Variants in PTCHD4 observed in about 807,000 individuals in gnomAD.
PTCHD4 encodes the protein patched domain-containing protein 4.
A neutral mutation model predicts 58.1 loss-of-function variants in PTCHD4; 33 were observed. The observed-to-expected ratio is 0.57, with a 90% confidence interval of 0.43 to 0.76. The LOEUF is 0.76. PTCHD4 is among the 30% of genes least tolerant of loss of function. PTCHD4 has a pLI of 0.00. For synonymous variants in PTCHD4, 478 were observed against 409.6 expected (o/e 1.17, Z -2.02); for missense variants, 1,058 against 1,027.1 (o/e 1.03, Z -0.41).
intron 4 of PTCHD4, among the ~76,000 whole-genome samples, chr6:47,916,999 GATTCATTCTCTA>G (rs928076085): frequency 1.3e-4 from 20 of 151,990 alleles, no homozygotes; most frequent in African/African-American, 4.3e-4. Flanking sequence ...TGTCTATAGA[GATTCATTCTCTA>G]AACTACAATT....
chr6:48,088,438 A>C (rs1439497749), intron 1 of PTCHD4, among the ~76,000 whole-genome samples: 1 of 152,142 alleles, frequency 6.6e-6, no homozygotes, highest in African/African-American at 2.4e-5. Context: ...CCGTTTAATG[A>C]CTGTCAACTG....
In PTCHD4 at chr6:48,068,050, G is replaced by C. The variant is rs902765319; in HGVS notation, c.417+180C>G. The stretch of plus-strand genomic sequence containing the variant: ...TAATTGGCAGAAGCATGCAGAAGGA[G>C]CATACCTTTAATTTAGTGTTGGGAT... On this transcript the variant is annotated intron_variant, in intron 3 of 4. Transcript: ENST00000339488. This position sits in a 1 kb window ranked among gnomAD's most constrained non-coding sequence, Gnocchi z 4.2. Among the ~76,000 whole-genome samples, 2 of 152,094 alleles carry C rather than the reference G, an allele frequency of 1.3e-5. No homozygotes were observed. Among genetic ancestry groups the C allele is most frequent in the African/African-American group, 4.8e-5 (2 of 41,424 alleles).
chr6:47,960,479 A>G (rs1261039861), intron 4 of PTCHD4, among the ~76,000 whole-genome samples: 2 of 152,104 alleles, frequency 1.3e-5, no homozygotes, highest in Non-Finnish European at 2.9e-5. Context: ...TTAAATATAA[A>G]CATACGAGTA....
Position 47,955,122 on chromosome 6 carries a change from T to G in PTCHD4, c.898+53512A>C, listed in dbSNP as rs554258837. On this transcript the variant is annotated intron_variant, in intron 4 of 4. Coordinates refer to ENST00000339488, the MANE Select transcript of PTCHD4 (RefSeq NM_001384253.1). ...TATTAAGGGATACTCACATTGCAAA[T>G]TTGTGAGCAAAATGAATTCCATTGT... Among the ~76,000 whole-genome samples, 6 of 152,364 alleles carry G rather than the reference T, an allele frequency of 3.9e-5. No individual in the cohort carries two copies. The South Asian group carries it at 1.2e-3, about 32-fold the overall frequency.
chr6:47,933,985 C>T (rs1279085765), intron 4 of PTCHD4, among the ~76,000 whole-genome samples: 1 of 152,120 alleles, frequency 6.6e-6, no homozygotes, highest in Non-Finnish European at 1.5e-5. Flanking sequence ...TCTATACTAT[C>T]TTGGTAGAAT....
intron 4 of PTCHD4, among the ~76,000 whole-genome samples, chr6:47,891,113 T>G (rs566719798): frequency 6.7e-6 from 1 of 149,450 alleles, no homozygotes; most frequent in African/African-American, 2.5e-5. Context: ...TCCCAGCTAC[T>G]TGGGAGGCTG....
chr6:47,943,730 G>A (rs1281255186), intron 4 of PTCHD4, among the ~76,000 whole-genome samples: 4 of 151,988 alleles, frequency 2.6e-5, no homozygotes, highest in African/African-American at 9.7e-5. Context: ...TAGAAAGAGA[G>A]TTATTGTAAA....
At chr6:47,884,750 T>A (rs1041088836) in intron 4 of PTCHD4, among the ~76,000 whole-genome samples, 31 of 152,202 alleles carry the variant, frequency 2.0e-4, no homozygotes, top group African/African-American at 7.5e-4. Context: ...AAAGAGGAAT[T>A]TTGTTCTTAC....
chr6:48,092,879 G>A (rs573040378), intron 1 of PTCHD4, among the ~76,000 whole-genome samples: 4 of 152,016 alleles, frequency 2.6e-5, no homozygotes, highest in Non-Finnish European at 5.9e-5. Flanking sequence ...CATATTATCA[G>A]TATATCATGT....
chr6:47,879,325 C>A lies in PTCHD4; in HGVS notation c.1510G>T (p.Val504Phe), dbSNP rs1403074877. The change falls in exon 5 of 5, where the codon GTT (valine) becomes TTT (phenylalanine). Residue 504 changes from valine to phenylalanine, a missense_variant. Physicochemically the swap from Val to Phe is conservative, Grantham distance 50. Coordinates refer to ENST00000339488, the MANE Select transcript of PTCHD4 (RefSeq NM_001384253.1). ...SDSPSVSYAMVQQKYFSNYSP... is the reference protein window; with the variant it reads ...SDSPSVSYAMFQQKYFSNYSP... The stretch of plus-strand genomic sequence containing the variant: ...TAGTTGCTGAAATATTTCTGCTGAA[C>A]CATGGCATAGGAAACACTTGGCGAA... 1.2e-6 allele frequency: 2 copies of A among 1,612,894 alleles called. No homozygotes were observed. Among genetic ancestry groups the A allele is most frequent in the African/African-American group, 2.7e-5 (2 of 74,842 alleles).
chr6:48,103,502 A>G (rs1765652501), intron 1 of PTCHD4, among the ~76,000 whole-genome samples: 1 of 152,204 alleles, frequency 6.6e-6, no homozygotes, highest in South Asian at 2.1e-4. Context: ...AAAGATGGGA[A>G]AAAACAGCAG....
intron 4 of PTCHD4, among the ~76,000 whole-genome samples, chr6:47,944,987 A>G (rs957276558): frequency 6.6e-6 from 1 of 152,144 alleles, no homozygotes; most frequent in Non-Finnish European, 1.5e-5. Context: ...TGCATCCAGA[A>G]GAAATCATCA....
intron 4 of PTCHD4, among the ~76,000 whole-genome samples, chr6:47,905,616 G>A (rs1431026991): frequency 6.6e-6 from 1 of 152,162 alleles, no homozygotes; most frequent in African/African-American, 2.4e-5. Context: ...CACTAGTGGA[G>A]CCCAAAGGAA....
chr6:48,101,693 C>G (rs988952732), intron 1 of PTCHD4, among the ~76,000 whole-genome samples: 1 of 152,160 alleles, frequency 6.6e-6, no homozygotes, highest in African/African-American at 2.4e-5. Context: ...CCTAAAATGT[C>G]CAGTCCTATG....
In PTCHD4 at chr6:48,009,003, G is replaced by T; in HGVS notation, c.529C>A (p.Gln177Lys). The T allele has an allele frequency of 6.2e-7, 1 of 1,613,960 alleles. No individual in the cohort carries two copies. The change falls in exon 4 of 5, where the codon CAG (glutamine) becomes AAG (lysine). Residue 177 changes from glutamine (Q) to lysine (K), a missense_variant. By Grantham distance (53) the Gln-to-Lys change is moderately conservative (BLOSUM62 1). Coordinates refer to ENST00000339488, the MANE Select transcript of PTCHD4 (RefSeq NM_001384253.1). The stretch of plus-strand genomic sequence containing the variant: ...TCTTGGGTGGCAGAGCCATAGGTCT[G>T]GAGGTAGTAGGTGATTTGAATGGCT... ...ARAIQITYYL[Q>K]TYGSATQDLI...
rs1203045581 is a variant in PTCHD4 at position 47,861,416 on chromosome 6, A to T, written c.*16887T>A. ...AGTTTGGGAACCTATTTACACTTAC[A>T]TTCACTAATTTGTTTAAGTGTATTA... is the stretch of plus-strand genomic sequence containing the variant. On this transcript the variant is annotated 3_prime_UTR_variant, in exon 5 of 5. Transcript: ENST00000339488. Among the ~76,000 whole-genome samples, 2 of 151,934 alleles carry T rather than the reference A, an allele frequency of 1.3e-5. No homozygotes were observed. Among genetic ancestry groups the T allele is most frequent in the Non-Finnish European group, 2.9e-5 (2 of 67,912 alleles).
chr6:48,065,549 T>C (rs927316217), intron 3 of PTCHD4, among the ~76,000 whole-genome samples: 2 of 152,196 alleles, frequency 1.3e-5, no homozygotes, highest in Admixed American at 1.3e-4. Flanking sequence ...TTAAATAACA[T>C]GTAATTAAAA....
chr6:48,045,030 C>T (rs10807386), intron 3 of PTCHD4, among the ~76,000 whole-genome samples: 4,939 of 151,854 alleles, frequency 0.033, 140 homozygotes, highest in Non-Finnish European at 0.052. Context: ...GCCACCTATG[C>T]CTCCAGACCT....
rs1763706799 is a variant in PTCHD4 at position 47,871,275 on chromosome 6, A to G, written c.*7028T>C. On this transcript the variant is annotated 3_prime_UTR_variant, in exon 5 of 5. Coordinates refer to ENST00000339488, the MANE Select transcript of PTCHD4 (RefSeq NM_001384253.1). ...TAGCAATGCCTTCCAGAGGAAAAGA[A>G]AACTTAAGTAAAATGCCAAATAATG... is the stretch of plus-strand genomic sequence containing the variant. Among the ~76,000 whole-genome samples, 1 of 151,674 alleles carries G rather than the reference A, an allele frequency of 6.6e-6. No individual in the cohort carries two copies. Among genetic ancestry groups the G allele is most frequent in the Non-Finnish European group, 1.5e-5 (1 of 67,710 alleles).
Sources: gnomAD v4.1 joint callset for allele counts (sites outside exome capture counted in the v4.1 genomes callset) on GRCh38, gnomAD v4.1.1 for gene constraint, Gnocchi (gnomAD v3.1) non-coding constraint, MANE v1.5 for transcripts, NCBI Gene and HGNC (gene_info 2026-07-23, HGNC 2026-07-21) for gene names.